AIFM1: variants seen among roughly 807,000 people sequenced by gnomAD.
AIFM1 encodes the protein apoptosis-inducing factor 1, mitochondrial.
Under a neutral mutation model 51.7 loss-of-function variants are expected in AIFM1, and 3 were observed. The ratio of observed to expected loss-of-function variants is 0.06; its 90% CI spans 0.03 to 0.15. The LOEUF (loss-of-function observed/expected upper bound fraction) is 0.15, where lower values mean the gene tolerates loss of function less well. Ranked by LOEUF, AIFM1 falls within the 10% of genes least tolerant of loss-of-function variation. AIFM1 has a pLI of 1.00. For synonymous variants in AIFM1, 178 were observed against 179.4 expected, an observed-to-expected ratio of 0.99 and a Z score of 0.06; for missense variants, 330 against 476.8, an observed-to-expected ratio of 0.69 and a Z score of 2.87.
intron 5 of AIFM1, among the ~76,000 whole-genome samples, chrX:130,145,962 C>T (rs1271449138): frequency 1.8e-5 from 2 of 111,921 alleles, no homozygotes; most frequent in Middle Eastern, 4.6e-3. Flanking sequence ...GAGGATCCTG[C>T]TCTAGATTTA....
intron 2 of AIFM1, among the ~76,000 whole-genome samples, chrX:130,150,661 A>G (rs1272736140): frequency 2.8e-5 from 3 of 105,605 alleles, no homozygotes; most frequent in African/African-American, 1.0e-4. Context: ...AAGAAAAGGT[A>G]GGCAAGAATG....
At chrX:130,148,739 G>A (rs1277637290) in intron 3 of AIFM1, among the ~76,000 whole-genome samples, 4 of 103,775 alleles carry the variant, frequency 3.9e-5, no homozygotes, top group Admixed American at 3.1e-4. Flanking sequence ...AGGCTGAGGC[G>A]GGAGAATTGC....
At chrX:130,152,097 A>G (rs1603228819) in intron 2 of AIFM1, among the ~76,000 whole-genome samples, 1 of 108,310 alleles carries the variant, frequency 9.2e-6, no homozygotes, top group African/African-American at 3.4e-5. Flanking sequence ...AAAAGGGAAG[A>G]GAAGAGAAGA....
At position 130,129,625 on chromosome X, in the gene AIFM1, T is replaced by C. The variant is rs1275679300; in HGVS notation, c.1774A>G (p.Ile592Val). Reference sequence around the variant, plus strand: ...TCTTCATGCTGCTCACCGTCCTTAATGATCTGAGGGAGAGAGAGTAACAAT... The same window carrying C: ...TCTTCATGCTGCTCACCGTCCTTAACGATCTGAGGGAGAGAGAGTAACAAT... The part of the protein sequence containing the change: ...FNRMPIARKI[I>V]KDGEQHEDLN... The change falls in exon 16 of 16, where the codon ATT (isoleucine) becomes GTT (valine). Residue 592 changes from isoleucine to valine, a missense_variant. This residue lies in a region of AIFM1 where 12 missense variants were observed against 32.1 expected (regional missense o/e 0.37). Transcript: ENST00000287295. The C allele has an allele frequency of 8.3e-7, 1 of 1,208,301 alleles. No individual in the cohort carries two copies. The highest frequency in any genetic ancestry group is 2.2e-5 in the Admixed American group (1 of 46,010).
chrX:130,136,815 C>T, intron 10 of AIFM1, 84 bp from the exon 11 acceptor site: 1 of 1,078,433 alleles, frequency 9.3e-7, no homozygotes, highest in Non-Finnish European at 1.3e-6. Context: ...GCGGTCTCCT[C>T]CACGGTAAAA....
rs766080467 is a variant in AIFM1 at position 130,145,974 on chromosome X, G to A, written c.606-405C>T. On this transcript the variant is annotated intron_variant, in intron 5 of 15. Coordinates refer to ENST00000287295, the MANE Select transcript of AIFM1 (RefSeq NM_004208.4). ...GCTGAGGATCCTGCTCTAGATTTAG[G>A]TTCATTTCAAAGTAAGAACAAGTGG... 1.8e-3 allele frequency among the ~76,000 whole-genome samples: 200 copies of A among 111,938 alleles called. No homozygotes were observed. The South Asian group carries it at 0.019, about 11-fold the overall frequency.
Position 130,139,856 on chromosome X carries a change from C to T in AIFM1, c.797G>A (p.Ser266Asn). The T allele has an allele frequency of 8.3e-7, 1 of 1,210,629 alleles. No homozygotes were observed. The highest frequency in any genetic ancestry group is 1.1e-6 in the Non-Finnish European group (1 of 894,414). ...TCCAGCCCTATCAATGGCAGACAGA[C>T]TTCTTGGAGTACCTCCTGGAAATAA... ...CLIATGGTPR[S>N]LSAIDRAGAE... The change falls in exon 8 of 16, where the codon AGT becomes AAT. Residue 266 changes from serine (S) to asparagine (N), a missense_variant. By Grantham distance (46) the Ser-to-Asn change is conservative. Coordinates refer to ENST00000287295, the MANE Select transcript of AIFM1 (RefSeq NM_004208.4).
In AIFM1 at chrX:130,139,786, G is replaced by C; in HGVS notation, c.858+9C>G. ...ACAACACAAGGAAAACACTAAAGCA[G>C]ACAATTACCTTTCTGAAAAGCGTTG... is the stretch of plus-strand genomic sequence containing the variant. On this transcript the variant is annotated intron_variant, in intron 8 of 15. Coordinates refer to ENST00000287295, the MANE Select transcript of AIFM1 (RefSeq NM_004208.4). The C allele has an allele frequency of 8.3e-7, 1 of 1,207,713 alleles. No individual in the cohort carries two copies. The highest frequency in any genetic ancestry group is 1.1e-6 in the Non-Finnish European group (1 of 892,090).
intron 2 of AIFM1, among the ~76,000 whole-genome samples, chrX:130,151,470 A>C (rs2030977536): frequency 9.0e-6 from 1 of 111,467 alleles, no homozygotes; most frequent in African/African-American, 3.3e-5. Flanking sequence ...TACTTCTATG[A>C]CTTCCTTCCA....
At chrX:130,149,083 G>T (rs1263648309) in intron 3 of AIFM1, among the ~76,000 whole-genome samples, 1 of 107,764 alleles carries the variant, frequency 9.3e-6, no homozygotes, top group Non-Finnish European at 1.9e-5. Flanking sequence ...CACCACGCCT[G>T]GCTAATTTTT....
Position 130,136,807 on chromosome X carries a change from G to A in AIFM1, c.1076-76C>T, listed in dbSNP as rs184113010. ...ATGGGAAGTAGGAAAGCTGACCAGCGGTCTCCTCCACGGTAAAACCAATTA... is the reference window on the plus strand; with the variant it reads ...ATGGGAAGTAGGAAAGCTGACCAGCAGTCTCCTCCACGGTAAAACCAATTA... On this transcript the variant is annotated intron_variant, in intron 10 of 15. Coordinates refer to ENST00000287295, the MANE Select transcript of AIFM1 (RefSeq NM_004208.4). 1.0e-3 allele frequency: 1,123 copies of A among 1,083,417 alleles called. 6 individuals carry two copies. The African/African-American group carries it at 0.018, about 17-fold the overall frequency. The allele number at this position is 1,083,417 out of a possible 1,213,427, so 89.3% of individuals were successfully genotyped here.
chrX:130,158,704 T>TAAAAAAAAAAA (rs56253125), intron 1 of AIFM1, among the ~76,000 whole-genome samples: 4 of 44,078 alleles, frequency 9.1e-5, no homozygotes, highest in Admixed American at 3.1e-4. Context: ...GCTGATGAGC[T>TAAAAAAAAAAA]AAAAAAAAAA....
intron 2 of AIFM1, among the ~76,000 whole-genome samples, chrX:130,153,133 G>A (rs1315146423): frequency 1.0e-5 from 1 of 96,258 alleles, no homozygotes; most frequent in Non-Finnish European, 2.0e-5. Context: ...AGGAGATGGA[G>A]ACCATTCTGG....
At chrX:130,137,741 A>T in intron 9 of AIFM1, 2 of 1,029,376 alleles carry the variant, frequency 1.9e-6, no homozygotes, top group Non-Finnish European at 2.5e-6. Flanking sequence ...GTCCTGGCAT[A>T]GAGGGTAGAG....
rs2030810309 is a variant in AIFM1 at position 130,147,820 on chromosome X, G to A, written c.406C>T (p.Leu136=). ...DKAPSHVPFL[L]IGGGTAAFAA... Reference sequence around the variant, plus strand: ...AAAGCAGCTGTGCCTCCACCAATTAGCAGGAAAGGAACATGACTTGGCGCC... The same window carrying A: ...AAAGCAGCTGTGCCTCCACCAATTAACAGGAAAGGAACATGACTTGGCGCC... The change falls in exon 4 of 16, where the codon CTA becomes TTA. Residue 136 remains leucine (L), a synonymous_variant. Transcript: ENST00000287295. 8.3e-7 allele frequency: 1 copy of A among 1,210,355 alleles called. No homozygotes were observed. The highest frequency in any genetic ancestry group is 1.1e-6 in the Non-Finnish European group (1 of 895,349).
intron 10 of AIFM1, 139 bp downstream of exon 10, chrX:130,136,939 A>G: frequency 8.7e-7 from 1 of 1,143,352 alleles, no homozygotes; most frequent in Non-Finnish European, 1.2e-6. Flanking sequence ...AGATGAACTT[A>G]GCTGACTGGA....
At chrX:130,159,123 C>G (rs12390789) in intron 1 of AIFM1, among the ~76,000 whole-genome samples, 2 of 111,694 alleles carry the variant, frequency 1.8e-5, no homozygotes, top group Non-Finnish European at 3.8e-5. Flanking sequence ...TGACCAATCA[C>G]GCTAAGTGAT....
intron 2 of AIFM1, among the ~76,000 whole-genome samples, chrX:130,152,111 GAGAAA>G (rs1312253945): frequency 2.0e-5 from 2 of 98,507 alleles, no homozygotes; most frequent in East Asian, 3.1e-4. Context: ...GAGAAGAGAA[GAGAAA>G]AGAAAAGAAA....
intron 7 of AIFM1, 52 bp downstream of exon 7, chrX:130,140,481 A>C: frequency 6.6e-6 from 7 of 1,067,507 alleles, no homozygotes; most frequent in Non-Finnish European, 6.5e-6. Context: ...GCTGGACTCT[A>C]AAACTTGAAT....
Sources: allele counts gnomAD v4.1 joint callset (sites outside exome capture counted in the v4.1 genomes callset), GRCh38; gene constraint gnomAD v4.1.1; regional missense constraint gnomAD v4.1.1; transcripts MANE v1.5; gene names NCBI Gene and HGNC (gene_info 2026-07-23, HGNC 2026-07-21).